Variants in MUC6 observed in about 807,000 individuals in gnomAD.
MUC6 encodes the protein mucin-6.
Under a neutral mutation model 201.5 loss-of-function variants are expected in MUC6, and 188 were observed. The ratio of observed to expected loss-of-function variants is 0.93; its 90% CI spans 0.83 to 1.05. The LOEUF is 1.05. MUC6 is among the 50% of genes least tolerant of loss of function. The probability of loss-of-function intolerance (pLI) is 0.00; values close to 1 mark genes in which losing one functional copy is unlikely to be tolerated. For missense variants in MUC6, 2,706 were observed against 3,256.9 expected (o/e 0.83, Z 4.12); for synonymous variants, 1,228 against 1,389.4 (o/e 0.88, Z 2.58).
intron 31 of MUC6, among the ~76,000 whole-genome samples, chr11:1,015,035 C>T (rs1856570194): frequency 6.6e-6 from 1 of 152,170 alleles, no homozygotes; most frequent in South Asian, 2.1e-4. Flanking sequence ...TGGTGGAGGT[C>T]GATGCATGCG....
intron 32 of MUC6, 100 bp from the exon 33 acceptor site, chr11:1,013,733 GC>G: frequency 7.0e-7 from 1 of 1,423,684 alleles, no homozygotes; most frequent in South Asian, 1.2e-5. Context: ...GGACCTCCCC[GC>G]TGAGCTCCCG....
In MUC6 at chr11:1,023,605, C is replaced by T. The variant is rs199791807; in HGVS notation, c.3430G>A (p.Glu1144Lys). Residue 1144 changes from glutamate to lysine, a missense_variant, in exon 26 of 33, where the codon GAG becomes AAG. Glu to Lys is a moderately conservative substitution (Grantham distance 56, BLOSUM62 1). This residue lies in a region of MUC6 where 1,850 missense variants were observed against 1,958.3 expected (regional missense o/e 0.94). Transcript: ENST00000421673. The stretch of plus-strand genomic sequence containing the variant: ...TTGGCCTCCTGTGTGTACTGGTACT[C>T]GCCATGGCCGTCCTGCGTGTGCGTG... ...YNTHTQDGHG[E>K]YQYTQEANCT... The T allele has an allele frequency of 7.6e-5, 122 of 1,613,108 alleles. No individual in the cohort carries two copies. In the African/African-American group the frequency reaches 1.1e-3, roughly 15 times the overall value.
chr11:1,013,840 G>T, intron 32 of MUC6, 59 bp downstream of exon 32: 1 of 1,527,642 alleles, frequency 6.5e-7, no homozygotes, highest in Non-Finnish European at 8.9e-7. Flanking sequence ...GAACCTCTCT[G>T]GGGTGGGGTT....
In MUC6 at chr11:1,030,988, A is replaced by G. The variant is rs1857087854; in HGVS notation, c.643T>C (p.Phe215Leu). Reference sequence around the variant, plus strand: ...ACGTGGGTGCTGGGGATGTCCTGGAAGGTGCAGATCTCGCCGGGGTCGTCC... The same window carrying G: ...ACGTGGGTGCTGGGGATGTCCTGGAGGGTGCAGATCTCGCCGGGGTCGTCC... ...KLDDPGEICTFQDIPSTHVRQ... is the reference protein window; with the variant it reads ...KLDDPGEICTLQDIPSTHVRQ... The change falls in exon 6 of 33, where the codon TTC (phenylalanine) becomes CTC (leucine). Residue 215 changes from phenylalanine (F) to leucine (L), a missense_variant. This residue lies in a region of MUC6 where 1,850 missense variants were observed against 1,958.3 expected (regional missense o/e 0.94). Transcript: ENST00000421673. 1 of 1,587,240 alleles carries G rather than the reference A, an allele frequency of 6.3e-7. No homozygotes were observed. Among genetic ancestry groups the G allele is most frequent in the South Asian group, 1.2e-5 (1 of 86,782 alleles).
In MUC6 at chr11:1,029,268, G is replaced by A. The variant is rs1427718931; in HGVS notation, c.1235C>T (p.Pro412Leu). The A allele has an allele frequency of 4.4e-6, 7 of 1,607,542 alleles. No individual in the cohort carries two copies. Among genetic ancestry groups the A allele is most frequent in the South Asian group, 1.1e-5 (1 of 89,938 alleles). Residue 412 changes from proline to leucine, a missense_variant, in exon 10 of 33, where the codon CCC (proline) becomes CTC (leucine). Around this residue, in one of 10 missense-constraint regions of MUC6, gnomAD observed 1,850 missense variants for 1,958.3 expected, o/e 0.94. Coordinates refer to ENST00000421673, the MANE Select transcript of MUC6 (RefSeq NM_005961.3). The part of the protein sequence containing the change: ...GSFVTTFDAR[P>L]YRFHGTCTYI... ...GGTGCAGGTGCCGTGGAAGCGGTAG[G>A]GCCTGGCGTCAAATGTGGTAACAAA...
rs961940402 is a variant in MUC6, at chr11:1,013,001, C to A, written c.*455G>T. The A allele has an allele frequency of 6.0e-4, 99 of 166,314 alleles. No individual in the cohort carries two copies. Among genetic ancestry groups the A allele is most frequent in the Non-Finnish European group, 1.0e-3 (79 of 77,422 alleles). The allele number at this position is 166,314 out of a possible 1,614,324, so 10.3% of individuals were successfully genotyped here. On this transcript the variant is annotated 3_prime_UTR_variant, in exon 33 of 33. Transcript: ENST00000421673. ...TCCCTGACTCTGGGGATCTCCTCTT[C>A]TCTGTGCTGGTGGCTGCCTGGGCCT... is the stretch of plus-strand genomic sequence containing the variant.
At chr11:1,025,112 A>T in intron 23 of MUC6, 29 bp from the exon 24 acceptor site, 1 of 1,612,316 alleles carries the variant, frequency 6.2e-7, no homozygotes, top group Non-Finnish European at 8.5e-7. Context: ...GGCCGGGCCC[A>T]GGGGCCGTGC....
chr11:1,026,900 G>A, intron 19 of MUC6, 41 bp downstream of exon 19: 2 of 1,497,834 alleles, frequency 1.3e-6, no homozygotes, highest in Non-Finnish European at 1.8e-6. Flanking sequence ...TGGTTCAGCT[G>A]GGGCCCGGGC....
At chr11:1,019,954 AG>A in intron 29 of MUC6, 135 bp downstream of exon 29, 2 of 1,189,376 alleles carry the variant, frequency 1.7e-6, no homozygotes, top group Non-Finnish European at 2.4e-6. Flanking sequence ...TCCCAAGCAT[AG>A]GAAGTTCTAC....
At position 1,027,198 on chromosome 11, in the gene MUC6, AAG is replaced by A. The variant is rs747182972; in HGVS notation, c.2232-7_2232-6del. The A allele has an allele frequency of 6.2e-7, 1 of 1,612,282 alleles. No individual in the cohort carries two copies. Among genetic ancestry groups the A allele is most frequent in the East Asian group, 2.2e-5 (1 of 44,852 alleles). On this transcript the variant is annotated splice_polypyrimidine_tract_variant and splice_region_variant and intron_variant, in intron 17 of 32. Coordinates refer to ENST00000421673, the MANE Select transcript of MUC6 (RefSeq NM_005961.3). ...AGCCGCCCGTTGATGCAGTGGCTGC[AAG>A]AGAGAGGCTGCGTGAGACCCCGGGA... is the stretch of plus-strand genomic sequence containing the variant.
At chr11:1,022,613 G>A (rs1856842457) in intron 26 of MUC6, among the ~76,000 whole-genome samples, 1 of 152,222 alleles carries the variant, frequency 6.6e-6, no homozygotes. Context: ...CACTGGGTCT[G>A]CCTCCTTAAG....
In MUC6 at chr11:1,032,149, A is replaced by G. The variant is rs1857121594; in HGVS notation, c.116-96T>C. The G allele has an allele frequency of 4.7e-6, 7 of 1,492,956 alleles. No homozygotes were observed. The South Asian group carries it at 6.4e-5, about 14-fold the overall frequency. 92.5% of individuals were successfully genotyped at this position (1,492,956 alleles called of 1,614,324 possible). On this transcript the variant is annotated intron_variant, in intron 2 of 32. Transcript: ENST00000421673. ...GAGAGGTCACTCGTCTCCCTGGGCC[A>G]GGGTTTTTGAGTTGGGGCCAGGCTG...
chr11:1,028,009 A>G lies in MUC6; in HGVS notation c.1804T>C (p.Phe602Leu). The change falls in exon 15 of 33, where the codon TTC becomes CTC. Residue 602 changes from phenylalanine (F) to leucine (L), a missense_variant. Phe to Leu is a conservative substitution (Grantham distance 22). Transcript: ENST00000421673. Reference sequence around the variant, plus strand: ...TTCACTGTGGCGTGGCACCTCTCGAACACCGTGCCTGTCCTCAGCAGCATG... The same window carrying G: ...TTCACTGTGGCGTGGCACCTCTCGAGCACCGTGCCTGTCCTCAGCAGCATG... Reference protein sequence around the residue: ...CSMLLRTGTVFERCHATVNPA... With the variant: ...CSMLLRTGTVLERCHATVNPA... 1 of 1,587,412 alleles carries G rather than the reference A, an allele frequency of 6.3e-7. No homozygotes were observed. The highest frequency in any genetic ancestry group is 8.6e-7 in the Non-Finnish European group (1 of 1,167,372).
At chr11:1,022,124 T>G (rs1256900175) in intron 26 of MUC6, among the ~76,000 whole-genome samples, 22 of 108,698 alleles carry the variant, frequency 2.0e-4, no homozygotes, top group Non-Finnish European at 3.7e-4. Context: ...CCCGCGCCCC[T>G]CACTCGCTCT....
chr11:1,030,365 G>T, intron 7 of MUC6, 30 bp from the exon 8 acceptor site: 7 of 1,538,746 alleles, frequency 4.5e-6, no homozygotes, highest in South Asian at 1.2e-5. Flanking sequence ...CGGTGAGAGG[G>T]TCCCACCCCC....
intron 16 of MUC6, 29 bp downstream of exon 16, chr11:1,027,656 A>G: frequency 6.3e-7 from 1 of 1,582,168 alleles, no homozygotes; most frequent in Non-Finnish European, 8.6e-7. Context: ...GCCTGCCGTG[A>G]CCCCGCTTAA....
intron 5 of MUC6, 54 bp downstream of exon 5, chr11:1,031,115 C>CCG: frequency 2.2e-6 from 3 of 1,395,066 alleles, no homozygotes; most frequent in Non-Finnish European, 2.9e-6. Flanking sequence ...CCCCCCTGCC[C>CCG]TGCCCCCCAC....
intron 7 of MUC6, 31 bp from the exon 8 acceptor site, chr11:1,030,366 T>TGCCCCCCCCCCCCC: frequency 1.3e-5 from 19 of 1,489,522 alleles, no homozygotes; most frequent in East Asian, 2.5e-5. Flanking sequence ...GGTGAGAGGG[T>TGCCCCCCCCCCCCC]CCCACCCCCC....
Position 1,013,434 on chromosome 11 carries a change from A to C in MUC6, c.*22T>G. ...CTGTCATCTGCAGTCCTTCAGCCCC[A>C]GGAGAGCAGGCAGCGACCCTGCTAG... On this transcript the variant is annotated 3_prime_UTR_variant, in exon 33 of 33. Coordinates refer to ENST00000421673, the MANE Select transcript of MUC6 (RefSeq NM_005961.3). 6.4e-7 allele frequency: 1 copy of C among 1,557,088 alleles called. No homozygotes were observed. The highest frequency in any genetic ancestry group is 2.4e-5 in the East Asian group (1 of 41,714).
Sources: allele counts gnomAD v4.1 joint callset (sites outside exome capture counted in the v4.1 genomes callset), GRCh38; gene constraint gnomAD v4.1.1; regional missense constraint gnomAD v4.1.1; transcripts MANE v1.5; gene names NCBI Gene and HGNC (gene_info 2026-07-23, HGNC 2026-07-21).